Variants in NTRK1 observed in about 807,000 individuals in gnomAD.
The protein encoded by NTRK1 is neurotrophic receptor tyrosine kinase 1, also known as high affinity nerve growth factor receptor.
NTRK1 carries 62 observed loss-of-function variants against 86.8 expected under a neutral mutation model. The observed-to-expected ratio is 0.71, with a 90% CI of 0.58 to 0.88. The LOEUF is 0.88. Among genes scored for constraint, NTRK1 ranks in the 40% least tolerant of loss-of-function variants. The probability of loss-of-function intolerance (pLI) is 0.00; values close to 1 mark genes in which losing one functional copy is unlikely to be tolerated. For synonymous variants in NTRK1, 469 were observed against 456.6 expected (o/e 1.03, Z -0.35); for missense variants, 967 against 1,078.4 (o/e 0.90, Z 1.45).
At chr1:156,827,398 G>T (rs1451866373) in intron 1 of NTRK1, among the ~76,000 whole-genome samples, 2 of 152,242 alleles carry the variant, frequency 1.3e-5, no homozygotes, top group Admixed American at 1.3e-4. Context: ...AAGTAGCTGG[G>T]ATTACAGGCG....
chr1:156,853,168 T>C (rs1030793250), intron 2 of NTRK1, among the ~76,000 whole-genome samples: 2 of 152,254 alleles, frequency 1.3e-5, no homozygotes, highest in African/African-American at 4.8e-5. Flanking sequence ...ATTGATCATC[T>C]CCTTTCTTCT....
At chr1:156,858,911 G>A (rs1655507762), upstream of NTRK1, 1 of 443,082 alleles carries the variant, frequency 2.3e-6, no homozygotes, top group Non-Finnish European at 4.1e-6. Context: ...CGGGCCTCCA[G>A]AGGGAGAAAA....
intron 10 of NTRK1, 134 bp downstream of exon 10, chr1:156,874,760 C>A (rs2102911121): frequency 8.4e-7 from 1 of 1,187,884 alleles, no homozygotes; most frequent in Non-Finnish European, 1.2e-6. Flanking sequence ...ACCCGCACAG[C>A]CACTGCAGGG....
intron 3 of NTRK1, among the ~76,000 whole-genome samples, chr1:156,866,138 G>C (rs977004046): frequency 2.3e-4 from 35 of 152,206 alleles, no homozygotes; most frequent in African/African-American, 8.4e-4. Context: ...CTCTAGAGTG[G>C]GTTGTGTCTT....
At chr1:156,815,890 C>A in intron 1 of NTRK1, 1 of 1,613,406 alleles carries the variant, frequency 6.2e-7, no homozygotes, top group Non-Finnish European at 8.5e-7. Context: ...TTGGCAGACC[C>A]GGATCATTCC....
In NTRK1 at chr1:156,844,716, G is replaced by A. The variant is rs146646622; in HGVS notation, c.50+2523G>A. On this transcript the variant is annotated intron_variant, in intron 2 of 16. Coordinates refer to the NTRK1 transcript ENST00000392302. ...TCCCACGGGCACCTACCTCTCCCAAGCGGCGGTACTTGATTTCGTACTTGA... is the reference window on the plus strand; with the variant it reads ...TCCCACGGGCACCTACCTCTCCCAAACGGCGGTACTTGATTTCGTACTTGA... 1,502 of 1,614,158 alleles carry A rather than the reference G, an allele frequency of 9.3e-4. No individual in the cohort carries two copies. Among genetic ancestry groups the A allele is most frequent in the Non-Finnish European group, 1.1e-3 (1,334 of 1,180,032 alleles).
intron 1 of NTRK1, among the ~76,000 whole-genome samples, chr1:156,824,789 A>G (rs533426319): frequency 1.3e-5 from 2 of 152,340 alleles, no homozygotes; most frequent in Admixed American, 1.3e-4. Context: ...CAAAGACTCC[A>G]TCCTTTATCC....
chr1:156,848,117 G>A (rs1655074827), intron 2 of NTRK1, among the ~76,000 whole-genome samples: 1 of 152,118 alleles, frequency 6.6e-6, no homozygotes. Context: ...AGCTGCCCAC[G>A]CTGGAGACCT....
chr1:156,826,293 C>CTTTTTTTTTT (rs386368405), intron 1 of NTRK1, among the ~76,000 whole-genome samples: 1 of 88,436 alleles, frequency 1.1e-5, no homozygotes, highest in Non-Finnish European at 2.1e-5. Context: ...GACTTGAGCT[C>CTTTTTTTTTT]TTTTTTTTTT....
intron 14 of NTRK1, among the ~76,000 whole-genome samples, chr1:156,877,049 G>T (rs972943164): frequency 2.0e-5 from 3 of 152,120 alleles, no homozygotes; most frequent in African/African-American, 7.2e-5. Context: ...TTGGGGTCTT[G>T]CTCTGTTGCC....
intron 1 of NTRK1, among the ~76,000 whole-genome samples, chr1:156,823,311 G>T (rs376311719): frequency 1.3e-5 from 2 of 152,194 alleles, no homozygotes; most frequent in African/African-American, 2.4e-5. Flanking sequence ...GGAGGAGAAG[G>T]CTCCAACTCC....
At chr1:156,856,109 A>G (rs1490718919), upstream of NTRK1, among the ~76,000 whole-genome samples, 1 of 152,134 alleles carries the variant, frequency 6.6e-6, no homozygotes, top group Non-Finnish European at 1.5e-5. Flanking sequence ...ATGCGTGGCC[A>G]TATATTTATT....
At chr1:156,869,717 C>G (rs565552753) in intron 6 of NTRK1, among the ~76,000 whole-genome samples, 36 of 152,352 alleles carry the variant, frequency 2.4e-4, no homozygotes, top group Non-Finnish European at 4.0e-4. Context: ...TCCATACATG[C>G]CTTTGGACAT....
chr1:156,880,581 C>T, intron 16 of NTRK1: 1 of 177,690 alleles, frequency 5.6e-6, no homozygotes. Flanking sequence ...TCCCCCTGCC[C>T]TCCTAGCTGG....
At chr1:156,828,220 G>C (rs1654375552) in intron 1 of NTRK1, among the ~76,000 whole-genome samples, 1 of 152,250 alleles carries the variant, frequency 6.6e-6, no homozygotes, top group South Asian at 2.1e-4. Flanking sequence ...ATTATAGAAG[G>C]CTCAAAGATC....
At chr1:156,871,819 T>C in intron 7 of NTRK1, 64 bp downstream of exon 7, 1 of 1,608,386 alleles carries the variant, frequency 6.2e-7, no homozygotes, top group Non-Finnish European at 8.5e-7. Flanking sequence ...CAAAAGAGGA[T>C]GTAGGGTGGG....
At position 156,853,870 on chromosome 1, in the gene NTRK1, G is replaced by A. The variant is rs150662487; in HGVS notation, c.51-10484G>A. The A allele has an allele frequency of 1.2e-4, 188 of 1,614,062 alleles. 1 individual carries two copies. The highest frequency in any genetic ancestry group is 9.1e-4 in the South Asian group (83 of 91,082). On this transcript the variant is annotated intron_variant, in intron 2 of 16. Coordinates refer to the NTRK1 transcript ENST00000392302. ...CAGGGCACACGTCAGCACACTCCTC[G>A]CCCAGCTTGTTGCCCACGATGTGGT...
rs368769883 is a variant in NTRK1 at position 156,873,723 on chromosome 1, G to T, written c.941G>T (p.Arg314Leu). The T allele has an allele frequency of 3.7e-6, 6 of 1,612,646 alleles. No homozygotes were observed. Among genetic ancestry groups the T allele is most frequent in the Non-Finnish European group, 5.1e-6 (6 of 1,179,572 alleles). The change falls in exon 8 of 17, where the codon CGC (arginine) becomes CTC (leucine). Residue 314 changes from arginine to leucine, a missense_variant. By Grantham distance (102) the Arg-to-Leu change is moderately radical (BLOSUM62 -2). Coordinates refer to ENST00000524377, the MANE Select transcript of NTRK1 (RefSeq NM_002529.4). ...SVDGQPAPSL[R>L]WLFNGSVLNE... is the part of the protein sequence containing the mutation. ...GATGGGCAGCCGGCACCGTCTCTGC[G>T]CTGGCTCTTCAATGGCTCCGTGCTC...
chr1:156,816,826 G>T, intron 1 of NTRK1: 1 of 950,628 alleles, frequency 1.1e-6, no homozygotes, highest in Non-Finnish European at 1.5e-6. Context: ...AGGAAATGTC[G>T]CCTTACCCAC....
Sources: allele counts gnomAD v4.1 joint callset (sites outside exome capture counted in the v4.1 genomes callset), GRCh38; gene constraint gnomAD v4.1.1; transcripts MANE v1.5; gene names NCBI Gene and HGNC (gene_info 2026-07-23, HGNC 2026-07-21).